Variants in MAGI1 observed in about 807,000 individuals in gnomAD.
MAGI1 encodes the protein membrane associated guanylate kinase, WW and PDZ domain containing 1, also known as membrane-associated guanylate kinase, WW and PDZ domain-containing protein 1.
In MAGI1, 58 loss-of-function variants were observed where a neutral mutation model predicts 139.9. The ratio of observed to expected loss-of-function variants is 0.41; its 90% CI spans 0.34 to 0.52. The LOEUF (loss-of-function observed/expected upper bound fraction) is 0.52, where lower values mean the gene tolerates loss of function less well. Among genes scored for constraint, MAGI1 ranks in the 20% least tolerant of loss-of-function variants. The pLI, the probability that MAGI1 is intolerant of heterozygous loss-of-function variation, is 0.12. For synonymous variants in MAGI1, 812 were observed against 737.9 expected, an observed-to-expected ratio of 1.10 and a Z score of -1.63; for missense variants, 1,874 against 1,901.6, an observed-to-expected ratio of 0.99 and a Z score of 0.27.
At chr3:65,674,988 TA>T (rs1335861055) in intron 1 of MAGI1, among the ~76,000 whole-genome samples, 1 of 152,128 alleles carries the variant, frequency 6.6e-6, no homozygotes, top group Admixed American at 6.6e-5. Context: ...GCTCCATTGA[TA>T]TTCCAGAGCT....
chr3:65,980,239 T>G (rs1576342061), intron 1 of MAGI1, among the ~76,000 whole-genome samples: 1 of 152,286 alleles, frequency 6.6e-6, no homozygotes, highest in African/African-American at 2.4e-5. Context: ...TGGAGATCAT[T>G]TGAAATATAG....
chr3:65,375,187 CT>C (rs5849664), intron 18 of MAGI1, among the ~76,000 whole-genome samples: 17,765 of 133,000 alleles, frequency 0.13, 1,051 homozygotes, highest in African/African-American at 0.22. Context: ...TTTTCTGAAA[CT>C]TTTTTTTTTT....
intron 1 of MAGI1, among the ~76,000 whole-genome samples, chr3:65,897,801 C>T (rs536888742): frequency 2.8e-4 from 42 of 150,454 alleles, no homozygotes; most frequent in Non-Finnish European, 5.0e-4. Context: ...AGGTTGAGGC[C>T]GAAGTGAGCT....
intron 1 of MAGI1, among the ~76,000 whole-genome samples, chr3:66,025,445 T>C (rs1325664615): frequency 2.6e-5 from 4 of 152,094 alleles, no homozygotes; most frequent in Non-Finnish European, 5.9e-5. Context: ...TAGGCTGGGA[T>C]GGGAAGATCG....
chr3:65,747,624 GA>G (rs1187327892), intron 1 of MAGI1, among the ~76,000 whole-genome samples: 12 of 152,274 alleles, frequency 7.9e-5, no homozygotes, highest in African/African-American at 2.6e-4. Context: ...TAAGAGTCCA[GA>G]GGGGTGAACT....
At chr3:65,441,150 G>C (rs1456860335) in intron 8 of MAGI1, among the ~76,000 whole-genome samples, 2 of 151,860 alleles carry the variant, frequency 1.3e-5, no homozygotes, top group African/African-American at 4.8e-5. Context: ...CAGTAGAAAT[G>C]GCGTTTCACC....
At chr3:65,567,372 G>GA (rs199892809) in intron 2 of MAGI1, among the ~76,000 whole-genome samples, 124 of 148,392 alleles carry the variant, frequency 8.4e-4, no homozygotes, top group Middle Eastern at 3.4e-3. Context: ...CACTGACCAT[G>GA]AAAAAAAAAA....
intron 2 of MAGI1, among the ~76,000 whole-genome samples, chr3:65,611,131 G>C (rs1386021362): frequency 1.5e-5 from 2 of 137,296 alleles, no homozygotes; most frequent in Non-Finnish European, 1.5e-5. Flanking sequence ...ATAATATATA[G>C]TATAAATAGT....
At chr3:65,553,497 T>G (rs1255212952) in intron 2 of MAGI1, among the ~76,000 whole-genome samples, 2 of 152,204 alleles carry the variant, frequency 1.3e-5, no homozygotes, top group Non-Finnish European at 2.9e-5. Context: ...GCTGCATTGT[T>G]CTAGACAATG....
At chr3:66,010,117 AT>A (rs1446628153) in intron 1 of MAGI1, among the ~76,000 whole-genome samples, 2 of 128,466 alleles carry the variant, frequency 1.6e-5, no homozygotes, top group African/African-American at 5.5e-5. Context: ...ATCATTGTTT[AT>A]TTTTAAAAAC....
intron 8 of MAGI1, 106 bp downstream of exon 8, chr3:65,442,684 ATT>A (rs1948426124): frequency 1.5e-6 from 1 of 679,196 alleles, no homozygotes; most frequent in Admixed American, 2.5e-5. Flanking sequence ...TAAAATTAAT[ATT>A]GTTAATTGGT....
At chr3:65,773,147 AAG>A (rs774766400) in intron 1 of MAGI1, among the ~76,000 whole-genome samples, 5 of 152,198 alleles carry the variant, frequency 3.3e-5, no homozygotes, top group Non-Finnish European at 5.9e-5. Flanking sequence ...AGAGTAGAAA[AAG>A]AGCTCTCAAG....
chr3:65,848,345 G>C (rs1312073756), intron 1 of MAGI1, among the ~76,000 whole-genome samples: 1 of 152,186 alleles, frequency 6.6e-6, no homozygotes, highest in Non-Finnish European at 1.5e-5. Flanking sequence ...CGCTGGTTCT[G>C]AGCAGGCTTA....
chr3:65,688,803 G>A (rs1213133174), intron 1 of MAGI1, among the ~76,000 whole-genome samples: 2 of 152,148 alleles, frequency 1.3e-5, no homozygotes, highest in Non-Finnish European at 2.9e-5. Flanking sequence ...TACTTAGCAG[G>A]ATGAATTATC....
chr3:65,652,007 C>T (rs965207105), intron 1 of MAGI1, among the ~76,000 whole-genome samples: 4 of 152,146 alleles, frequency 2.6e-5, no homozygotes, highest in Non-Finnish European at 4.4e-5. Context: ...AGCACTAATG[C>T]TAAGTTGGAT....
At chr3:65,824,495 G>A (rs1287281173) in intron 1 of MAGI1, among the ~76,000 whole-genome samples, 1 of 152,216 alleles carries the variant, frequency 6.6e-6, no homozygotes, top group East Asian at 1.9e-4. Flanking sequence ...TAGAAAACAT[G>A]TGAACGGTGC....
chr3:65,468,596 A>C (rs1249504322), intron 5 of MAGI1, among the ~76,000 whole-genome samples: 2 of 151,846 alleles, frequency 1.3e-5, no homozygotes, highest in Non-Finnish European at 2.9e-5. Flanking sequence ...AGGCTGGTCT[A>C]GAGTTCATGA....
At chr3:65,764,083 AG>A (rs1472972089) in intron 1 of MAGI1, among the ~76,000 whole-genome samples, 23 of 116,714 alleles carry the variant, frequency 2.0e-4, no homozygotes, top group African/African-American at 6.2e-4. Flanking sequence ...AAAGAAAAAA[AG>A]AAAAAAAAAA....
At chr3:65,526,524 T>C (rs1209988283) in intron 2 of MAGI1, among the ~76,000 whole-genome samples, 2 of 152,208 alleles carry the variant, frequency 1.3e-5, no homozygotes, top group East Asian at 3.9e-4. Flanking sequence ...TATGACAGTA[T>C]TAAAGAAAGA....
Sources: allele counts gnomAD v4.1 joint callset (sites outside exome capture counted in the v4.1 genomes callset), GRCh38; gene constraint gnomAD v4.1.1; transcripts MANE v1.5; gene names NCBI Gene and HGNC (gene_info 2026-07-23, HGNC 2026-07-21).